RORA: variants seen among roughly 807,000 people sequenced by gnomAD.
RORA encodes RAR related orphan receptor A, also known as nuclear receptor ROR-alpha.
A neutral mutation model predicts 69.5 loss-of-function variants in RORA; 7 were observed. The ratio of observed to expected loss-of-function variants is 0.10; its 90% CI spans 0.06 to 0.19. The LOEUF is 0.19. Among genes scored for constraint, RORA ranks in the 10% least tolerant of loss-of-function variants. The pLI is 1.00. For synonymous variants in RORA, 261 were observed against 240.8 expected (o/e 1.08, Z -0.78); for missense variants, 457 against 663.0 (o/e 0.69, Z 3.41).
intron 1 of RORA, among the ~76,000 whole-genome samples, chr15:61,066,377 AG>A (rs1195261164): frequency 2.1e-5 from 3 of 146,316 alleles, no homozygotes; most frequent in Non-Finnish European, 4.5e-5. Flanking sequence ...AGATGTGAGT[AG>A]TCTACAACTT....
chr15:60,895,199 C>T (rs1464826856), intron 1 of RORA, among the ~76,000 whole-genome samples: 1 of 152,166 alleles, frequency 6.6e-6, no homozygotes, highest in African/African-American at 2.4e-5. Flanking sequence ...GTCCTTGATA[C>T]CCGGAGGCAA....
intron 2 of RORA, chr15:60,558,312 A>G: frequency 6.2e-7 from 1 of 1,601,680 alleles, no homozygotes; most frequent in Middle Eastern, 1.7e-4. Context: ...CATCCCTGGA[A>G]CGAAAATGAT....
rs542162680 is a variant in RORA, at chr15:60,911,251, G to T, written c.167-232565C>A. Among the ~76,000 whole-genome samples the T allele has an allele frequency of 6.6e-5, 10 of 151,976 alleles. No homozygotes were observed. In the East Asian group the frequency reaches 1.7e-3, roughly 26 times the overall value. On this transcript the variant is annotated intron_variant, in intron 1 of 10. Coordinates refer to ENST00000335670, the MANE Select transcript of RORA (RefSeq NM_134261.3). ...TGCCCGGCTGACTCTGGCTGTTTTT[G>T]TAACTACAGTAAGCTCCTCTGTGAC...
intron 1 of RORA, among the ~76,000 whole-genome samples, chr15:60,753,226 C>T (rs998827147): frequency 6.6e-5 from 10 of 152,200 alleles, no homozygotes; most frequent in African/African-American, 2.4e-4. Context: ...TGACACGAAC[C>T]TTCAACAGTT....
rs373179289 is a variant in RORA at position 60,829,966 on chromosome 15, C to T, written c.167-151280G>A. 3.3e-5 allele frequency among the ~76,000 whole-genome samples: 5 copies of T among 152,256 alleles called. No individual in the cohort carries two copies. In the South Asian group the frequency reaches 1.0e-3, roughly 32 times the overall value. On this transcript the variant is annotated intron_variant, in intron 1 of 10. Coordinates refer to ENST00000335670, the MANE Select transcript of RORA (RefSeq NM_134261.3). ...TGCTTGGCATACAGTGGGAGCACAA[C>T]AAATAGCTCTGAGTAATGAATGAAT... is the stretch of plus-strand genomic sequence containing the variant.
At chr15:60,966,657 A>C (rs1465183101) in intron 1 of RORA, among the ~76,000 whole-genome samples, 5 of 152,208 alleles carry the variant, frequency 3.3e-5, no homozygotes, top group Non-Finnish European at 7.3e-5. Flanking sequence ...TCTAGAGAAC[A>C]ACCTGACCTT....
chr15:60,905,803 T>C lies in RORA; in HGVS notation c.167-227117A>G, dbSNP rs1425362806. On this transcript the variant is annotated intron_variant, in intron 1 of 10. Coordinates refer to ENST00000335670, the MANE Select transcript of RORA (RefSeq NM_134261.3). The surrounding 1 kb of genome is among the most constrained non-coding windows in gnomAD (Gnocchi z 4.8). The stretch of plus-strand genomic sequence containing the variant: ...GGGGCACCCCCTAGTGACATGTTCC[T>C]ATACCCTAGGATATCCCTTTCCTTG... 6.6e-6 allele frequency among the ~76,000 whole-genome samples: 1 copy of C among 152,174 alleles called. No individual in the cohort carries two copies. Among genetic ancestry groups the C allele is most frequent in the Non-Finnish European group, 1.5e-5 (1 of 67,998 alleles).
intron 1 of RORA, among the ~76,000 whole-genome samples, chr15:60,872,387 C>G (rs1187035994): frequency 6.6e-6 from 1 of 152,182 alleles, no homozygotes; most frequent in African/African-American, 2.4e-5. Flanking sequence ...CCATGATCCG[C>G]AGGCAAACAC....
In RORA at chr15:61,226,110, A is replaced by C. The variant is rs2080143141; in HGVS notation, c.166+2943T>G. Among the ~76,000 whole-genome samples, 1 of 152,206 alleles carries C rather than the reference A, an allele frequency of 6.6e-6. No homozygotes were observed. Among genetic ancestry groups the C allele is most frequent in the Non-Finnish European group, 1.5e-5 (1 of 68,040 alleles). ...TGGATTCCCAAGAGGGAGGAATTCA[A>C]CAGTAGCCTCAAGTCTACCTAGGTA... is the stretch of plus-strand genomic sequence containing the variant. On this transcript the variant is annotated intron_variant, in intron 1 of 10. Transcript: ENST00000335670. The surrounding 1 kb of genome is among the most constrained non-coding windows in gnomAD (Gnocchi z 4.2).
chr15:61,120,466 G>A (rs1160341136), intron 1 of RORA, among the ~76,000 whole-genome samples: 2 of 152,034 alleles, frequency 1.3e-5, no homozygotes, highest in African/African-American at 2.4e-5. Flanking sequence ...TTGGGAGGCC[G>A]AGGCGGGCGG....
intron 1 of RORA, among the ~76,000 whole-genome samples, chr15:61,196,906 C>T (rs2079850518): frequency 2.0e-5 from 3 of 152,224 alleles, no homozygotes; most frequent in Admixed American, 6.5e-5. Context: ...AAAGCAGCAA[C>T]TGCTGTTATG....
At chr15:61,075,417 G>A (rs553652455) in intron 1 of RORA, among the ~76,000 whole-genome samples, 1 of 152,274 alleles carries the variant, frequency 6.6e-6, no homozygotes, top group East Asian at 1.9e-4. Flanking sequence ...AAGGCCTGCA[G>A]TGGGTGTGCG....
rs1002374952 is a variant in RORA, at chr15:60,717,800, T to C, written c.167-39114A>G. ...TTCTTTCTTTTTTCTTTTTCTCTTT[T>C]TTTTTTTTTTTTTTTTTGAGACATT... On this transcript the variant is annotated intron_variant, in intron 1 of 10. Transcript: ENST00000335670. 5.2e-4 allele frequency among the ~76,000 whole-genome samples: 74 copies of C among 142,414 alleles called. 1 individual carries two copies. Among genetic ancestry groups the C allele is most frequent in the African/African-American group, 1.5e-3 (59 of 38,866 alleles). The allele number at this position is 142,414 out of a possible 152,430, so 93.4% of individuals were successfully genotyped here.
chr15:60,786,221 T>C (rs1300542688), intron 1 of RORA, among the ~76,000 whole-genome samples: 3 of 152,294 alleles, frequency 2.0e-5, no homozygotes, highest in South Asian at 2.1e-4. Context: ...TGTTCTACCT[T>C]GGACAAGCCA....
chr15:60,723,149 T>C (rs1043602266), intron 1 of RORA, among the ~76,000 whole-genome samples: 4 of 152,302 alleles, frequency 2.6e-5, no homozygotes, highest in East Asian at 3.9e-4. Flanking sequence ...AAATGATACA[T>C]AGGGACTCCT....
intron 1 of RORA, among the ~76,000 whole-genome samples, chr15:60,975,425 G>A (rs950756023): frequency 6.6e-6 from 1 of 152,170 alleles, no homozygotes; most frequent in Non-Finnish European, 1.5e-5. Flanking sequence ...TCCTGGATTT[G>A]TCAAGTAAGG....
chr15:61,170,946 A>G (rs1363420895), intron 1 of RORA, among the ~76,000 whole-genome samples: 2 of 152,224 alleles, frequency 1.3e-5, no homozygotes, highest in African/African-American at 4.8e-5. Context: ...CATTCCTCAC[A>G]ATAGTCGTTT....
At chr15:60,868,308 T>G (rs989426059) in intron 1 of RORA, among the ~76,000 whole-genome samples, 1 of 152,214 alleles carries the variant, frequency 6.6e-6, no homozygotes, top group Non-Finnish European at 1.5e-5. Context: ...CTTGGTTTCT[T>G]TAACTGGAAA....
intron 1 of RORA, among the ~76,000 whole-genome samples, chr15:61,085,399 A>C (rs748818242): frequency 5.3e-5 from 8 of 152,208 alleles, no homozygotes; most frequent in Non-Finnish European, 1.0e-4. Flanking sequence ...AATCACAAAA[A>C]TGGGCTGGAC....
Sources: allele counts gnomAD v4.1 joint callset (sites outside exome capture counted in the v4.1 genomes callset), GRCh38; gene constraint gnomAD v4.1.1; non-coding constraint Gnocchi (gnomAD v3.1); transcripts MANE v1.5; gene names NCBI Gene and HGNC (gene_info 2026-07-23, HGNC 2026-07-21).